Variants in RSPO2 observed in about 807,000 individuals in gnomAD.
RSPO2 encodes R-spondin 2, also known as R-spondin-2.
In RSPO2, 14 loss-of-function variants were observed where a neutral mutation model predicts 30.9. The ratio of observed to expected loss-of-function variants is 0.45; its 90% CI spans 0.30 to 0.71. The LOEUF is 0.71. RSPO2 is among the 30% of genes least tolerant of loss of function. The probability of loss-of-function intolerance (pLI) is 0.08; values close to 1 mark genes in which losing one functional copy is unlikely to be tolerated. For synonymous variants in RSPO2, 107 were observed against 96.4 expected, an observed-to-expected ratio of 1.11 and a Z score of -0.64; for missense variants, 264 against 301.9, an observed-to-expected ratio of 0.87 and a Z score of 0.93.
intron 5 of RSPO2, among the ~76,000 whole-genome samples, chr8:107,910,882 A>C (rs1320028887): frequency 6.6e-6 from 1 of 152,158 alleles, no homozygotes; most frequent in African/African-American, 2.4e-5. Context: ...ACATAGGGAG[A>C]TCCCATCTCT....
At chr8:107,975,570 T>A (rs1417998746) in intron 3 of RSPO2, among the ~76,000 whole-genome samples, 1 of 152,236 alleles carries the variant, frequency 6.6e-6, no homozygotes, top group Non-Finnish European at 1.5e-5. Flanking sequence ...CGACATAGTA[T>A]CTGGCACAAA....
At chr8:108,021,410 GT>G (rs1435591428) in intron 2 of RSPO2, among the ~76,000 whole-genome samples, 1 of 152,214 alleles carries the variant, frequency 6.6e-6, no homozygotes, top group African/African-American at 2.4e-5. Context: ...ATGAAAGCAA[GT>G]AGGAATTTAG....
At chr8:108,049,469 G>A (rs1406146413) in intron 2 of RSPO2, among the ~76,000 whole-genome samples, 1 of 151,690 alleles carries the variant, frequency 6.6e-6, no homozygotes, top group East Asian at 2.0e-4. Context: ...CATGTGCCAT[G>A]GTGGTTTGCT....
chr8:107,979,462 A>G (rs2130496100), intron 3 of RSPO2, among the ~76,000 whole-genome samples: 1 of 152,258 alleles, frequency 6.6e-6, no homozygotes, highest in African/African-American at 2.4e-5. Flanking sequence ...GTTCTCACTC[A>G]TAGGTGGGAA....
chr8:107,899,914 CT>C lies in RSPO2; in HGVS notation c.*1160del, dbSNP rs1292505734. The C allele has an allele frequency of 6.6e-6, 1 of 152,200 alleles. No individual in the cohort carries two copies. The highest frequency in any genetic ancestry group is 1.5e-5 in the Non-Finnish European group (1 of 68,048). The allele number at this position is 152,200 out of a possible 1,614,324, so 9.4% of individuals were successfully genotyped here. A position where few individuals can be genotyped will look rare whatever the true frequency, so the allele number is the denominator to read the frequency against. On this transcript the variant is annotated 3_prime_UTR_variant, in exon 6 of 6. Transcript: ENST00000276659. Reference sequence around the variant, plus strand: ...TGACTGGCAGTCACAGAAATTCATCCTTTTATCTCCTAAAATTCTATGCCCA... The same window carrying C: ...TGACTGGCAGTCACAGAAATTCATCCTTTATCTCCTAAAATTCTATGCCCA...
intron 2 of RSPO2, among the ~76,000 whole-genome samples, chr8:108,058,264 T>C (rs1297527209): frequency 6.6e-6 from 1 of 151,718 alleles, no homozygotes; most frequent in Non-Finnish European, 1.5e-5. Flanking sequence ...TCAAAGAAAA[T>C]AAAATACCTA....
At chr8:108,076,699 A>C (rs1389747227) in intron 2 of RSPO2, among the ~76,000 whole-genome samples, 1 of 152,158 alleles carries the variant, frequency 6.6e-6, no homozygotes, top group Non-Finnish European at 1.5e-5. Context: ...TATGCATGGA[A>C]TATCTATCCA....
At chr8:107,979,334 T>C (rs1814337557) in intron 3 of RSPO2, among the ~76,000 whole-genome samples, 1 of 152,314 alleles carries the variant, frequency 6.6e-6, no homozygotes. Flanking sequence ...ATATACACCA[T>C]GGAATACTAT....
chr8:107,935,922 A>G (rs1812710273), intron 5 of RSPO2, among the ~76,000 whole-genome samples: 1 of 152,216 alleles, frequency 6.6e-6, no homozygotes, highest in Non-Finnish European at 1.5e-5. Flanking sequence ...GGGGTATCCA[A>G]CAACTTGAGT....
intron 3 of RSPO2, among the ~76,000 whole-genome samples, chr8:107,968,414 G>A (rs897383243): frequency 6.6e-6 from 1 of 152,116 alleles, no homozygotes; most frequent in African/African-American, 2.4e-5. Flanking sequence ...CATGGAGATA[G>A]AGAGTAGAAT....
At chr8:107,983,855 A>G in intron 3 of RSPO2, 4 of 1,581,054 alleles carry the variant, frequency 2.5e-6, no homozygotes, top group Non-Finnish European at 3.5e-6. Context: ...AGAAGTTTGC[A>G]GCAAATACTG....
chr8:107,928,502 G>A (rs371893742), intron 5 of RSPO2, among the ~76,000 whole-genome samples: 2 of 152,236 alleles, frequency 1.3e-5, no homozygotes, highest in East Asian at 3.9e-4. Flanking sequence ...CTTTAGTAAA[G>A]GCACTTAGAT....
chr8:108,082,588 A>C lies in RSPO2; in HGVS notation c.51T>G (p.Asp17Glu), dbSNP rs1813243417. 6.2e-7 allele frequency: 1 copy of C among 1,614,018 alleles called. No individual in the cohort carries two copies. The highest frequency in any genetic ancestry group is 1.7e-5 in the Admixed American group (1 of 59,998). ...SFALIILNCM[D>E]YSHCQGNRWR... ...ATCGGTTGCCTTGGCAGTGGCTGTA[A>C]TCCATGCAGTTCAGAATGATGAGGG... is the stretch of plus-strand genomic sequence containing the variant. The change falls in exon 2 of 6, where the codon GAT becomes GAG. Residue 17 changes from aspartate (D) to glutamate (E), a missense_variant. By Grantham distance (45) the Asp-to-Glu change is conservative (BLOSUM62 2). Transcript: ENST00000276659.
chr8:108,007,911 A>C (rs7010742), intron 2 of RSPO2, among the ~76,000 whole-genome samples: 12,356 of 152,106 alleles, frequency 0.081, 779 homozygotes, highest in African/African-American at 0.18. Context: ...GTGAATAGCC[A>C]CTGCACTCCA....
At chr8:108,005,125 C>G (rs896536470) in intron 2 of RSPO2, among the ~76,000 whole-genome samples, 1 of 152,060 alleles carries the variant, frequency 6.6e-6, no homozygotes, top group African/African-American at 2.4e-5. Flanking sequence ...GTCTGATGTT[C>G]CCTCATGACT....
At chr8:107,903,499 T>TCA (rs1811544300) in intron 5 of RSPO2, among the ~76,000 whole-genome samples, 2 of 152,248 alleles carry the variant, frequency 1.3e-5, no homozygotes, top group African/African-American at 4.8e-5. Flanking sequence ...TAATTGTCAA[T>TCA]ATTAAATGGT....
chr8:107,992,174 T>C (rs867572573), intron 2 of RSPO2, among the ~76,000 whole-genome samples: 2 of 141,964 alleles, frequency 1.4e-5, no homozygotes, highest in African/African-American at 5.4e-5. Context: ...GAAAATGTGA[T>C]ACACACACAC....
chr8:107,940,097 A>G (rs1252840603), intron 5 of RSPO2, among the ~76,000 whole-genome samples: 1 of 152,112 alleles, frequency 6.6e-6, no homozygotes, highest in African/African-American at 2.4e-5. Flanking sequence ...CAACTTGAAG[A>G]AAGTTCTGCC....
intron 2 of RSPO2, among the ~76,000 whole-genome samples, chr8:107,993,128 C>G (rs1187185049): frequency 1.3e-5 from 2 of 152,092 alleles, no homozygotes; most frequent in African/African-American, 2.4e-5. Context: ...ACACAGAAGA[C>G]TTGAGAAGGA....
Sources: gnomAD v4.1 joint callset for allele counts (sites outside exome capture counted in the v4.1 genomes callset) on GRCh38, gnomAD v4.1.1 for gene constraint, MANE v1.5 for transcripts, NCBI Gene and HGNC (gene_info 2026-07-23, HGNC 2026-07-21) for gene names.